FGF20: variants seen among roughly 807,000 people sequenced by gnomAD.
The protein encoded by FGF20 is fibroblast growth factor 20.
FGF20 carries 8 observed loss-of-function variants against 16.7 expected under a neutral mutation model. The observed-to-expected ratio is 0.48, with a 90% CI of 0.28 to 0.87. FGF20 has a LOEUF of 0.87. Ranked by LOEUF, FGF20 falls within the 40% of genes least tolerant of loss-of-function variation. The pLI, the probability that FGF20 is intolerant of heterozygous loss-of-function variation, is 0.10. For synonymous variants in FGF20, 161 were observed against 118.6 expected (o/e 1.36, Z -2.32); for missense variants, 397 against 281.4 (o/e 1.41, Z -2.94).
At chr8:16,995,401 C>G (rs1810019711) in intron 2 of FGF20, among the ~76,000 whole-genome samples, 1 of 152,004 alleles carries the variant, frequency 6.6e-6, no homozygotes, top group Admixed American at 6.6e-5. Flanking sequence ...ACAGAGAAAA[C>G]TAGAAAGACT....
rs886372042 is a variant in FGF20, at chr8:17,002,114, A to G, written c.-82T>C. On this transcript the variant is annotated 5_prime_UTR_variant, in exon 1 of 3. Transcript: ENST00000180166. ...GGATGGAGGTGGATAGAGAAAAATT[A>G]TAGCAAAACGAGCGCAAAAAGTTAA... 1.0e-4 allele frequency: 140 copies of G among 1,397,664 alleles called. No homozygotes were observed. The highest frequency in any genetic ancestry group is 1.3e-4 in the Non-Finnish European group (137 of 1,070,174). 86.6% of individuals were successfully genotyped at this position (1,397,664 alleles called of 1,614,324 possible).
rs1810196551 is a variant in FGF20, at chr8:17,001,890, G to GCGCTC, written c.138_142dup (p.Ala48GlyfsTer76). 1 of 1,435,352 alleles carries GCGCTC rather than the reference G, an allele frequency of 7.0e-7. No individual in the cohort carries two copies. Among genetic ancestry groups the GCGCTC allele is most frequent in the Non-Finnish European group, 9.1e-7 (1 of 1,098,844 alleles). 88.9% of individuals were successfully genotyped at this position (1,435,352 alleles called of 1,614,324 possible). ...CTGCGCAGCCCCCGGCCCGCCGCGCGCGCTCCGCTCCGCCGCGCTCCTGCG... is the reference window on the plus strand; with the variant it reads ...CTGCGCAGCCCCCGGCCCGCCGCGCGCGCTCCGCTCCGCTCCGCCGCGCTCCTGCG... On this transcript the variant is annotated frameshift_variant, in exon 1 of 3. Transcript: ENST00000180166. LOFTEE classifies it high-confidence loss of function.
At chr8:16,996,463 G>T (rs1007907447) in intron 1 of FGF20, among the ~76,000 whole-genome samples, 1 of 152,160 alleles carries the variant, frequency 6.6e-6, no homozygotes, top group African/African-American at 2.4e-5. Context: ...CTCCCTAAAG[G>T]AGATGGGTGA....
chr8:16,996,788 CT>C (rs1356338009), intron 1 of FGF20, among the ~76,000 whole-genome samples: 6 of 152,112 alleles, frequency 3.9e-5, no homozygotes, highest in African/African-American at 1.4e-4. Flanking sequence ...GAAATGGAGG[CT>C]CAGAAAGGCT....
In FGF20 at chr8:16,993,260, T is replaced by C; in HGVS notation, c.448A>G (p.Thr150Ala). The C allele has an allele frequency of 6.2e-7, 1 of 1,614,080 alleles. No individual in the cohort carries two copies. The highest frequency in any genetic ancestry group is 8.5e-7 in the Non-Finnish European group (1 of 1,179,966). Residue 150 changes from threonine to alanine, a missense_variant, in exon 3 of 3, where the codon ACC becomes GCC. By Grantham distance (58) the Thr-to-Ala change is moderately conservative. Coordinates refer to ENST00000180166, the MANE Select transcript of FGF20 (RefSeq NM_019851.3). ...REQFEENWYN[T>A]YSSNIYKHGD... is the part of the protein sequence containing the mutation. Reference sequence around the variant, plus strand: ...TGTTTATATATGTTAGATGAATAGGTGTTATACCAGTTCTCTTCAAACTGC... The same window carrying C: ...TGTTTATATATGTTAGATGAATAGGCGTTATACCAGTTCTCTTCAAACTGC...
At chr8:17,001,322 G>C (rs1810174945) in intron 1 of FGF20, among the ~76,000 whole-genome samples, 1 of 152,152 alleles carries the variant, frequency 6.6e-6, no homozygotes, top group Non-Finnish European at 1.5e-5. Context: ...CGGCATGGGG[G>C]AAAATGAGAA....
intron 1 of FGF20, among the ~76,000 whole-genome samples, chr8:16,996,933 T>C (rs10095457): frequency 6.6e-6 from 1 of 152,186 alleles, no homozygotes. Flanking sequence ...TCAAGACTTT[T>C]TGGATTATAT....
In FGF20 at chr8:17,002,331, T is replaced by C. The variant is rs1197332742; in HGVS notation, c.-299A>G. The C allele has an allele frequency of 2.8e-6, 1 of 360,570 alleles. No homozygotes were observed. The highest frequency in any genetic ancestry group is 4.9e-6 in the Non-Finnish European group (1 of 204,470). The allele number at this position is 360,570 out of a possible 1,614,324, so 22.3% of individuals were successfully genotyped here. A position where few individuals can be genotyped will look rare whatever the true frequency, so the allele number is the denominator to read the frequency against. ...TGGCTGGGGCTCCAATTCCGCAAACTGATCAGATCAGAGTCCTGTGTACAT... is the reference window on the plus strand; with the variant it reads ...TGGCTGGGGCTCCAATTCCGCAAACCGATCAGATCAGAGTCCTGTGTACAT... On this transcript the variant is annotated 5_prime_UTR_variant, in exon 1 of 3. Transcript: ENST00000180166.
rs752215225 is a variant in FGF20, at chr8:17,001,742, C to A, written c.286+5G>T. On this transcript the variant is annotated splice_donor_5th_base_variant and intron_variant, in intron 1 of 2. Transcript: ENST00000180166. The stretch of plus-strand genomic sequence containing the variant: ...TGGGGGTGGGGTCGGGATGCTAGTA[C>A]GTACCGAAGAGGCTGTGGTCCTGCC... 3 of 1,575,550 alleles carry A rather than the reference C, an allele frequency of 1.9e-6. No individual in the cohort carries two copies. Among genetic ancestry groups the A allele is most frequent in the Non-Finnish European group, 2.6e-6 (3 of 1,164,284 alleles).
Position 16,999,147 on chromosome 8 carries a change from A to G in FGF20, c.286+2600T>C, listed in dbSNP as rs558494556. Among the ~76,000 whole-genome samples, 4 of 152,320 alleles carry G rather than the reference A, an allele frequency of 2.6e-5. No individual in the cohort carries two copies. The South Asian group carries it at 8.3e-4, about 32-fold the overall frequency. On this transcript the variant is annotated intron_variant, in intron 1 of 2. Transcript: ENST00000180166. The stretch of plus-strand genomic sequence containing the variant: ...AGGCCGCTAGGATGTACTACAATAC[A>G]TCACAAGGCGGCCATTCACTCCCAG...
chr8:16,996,009 C>G (rs548070321), intron 1 of FGF20, among the ~76,000 whole-genome samples: 1 of 152,172 alleles, frequency 6.6e-6, no homozygotes, highest in African/African-American at 2.4e-5. Context: ...CAGAGAACCT[C>G]TGACCGGCCT....
chr8:16,999,050 T>G (rs1810123420), intron 1 of FGF20, among the ~76,000 whole-genome samples: 1 of 152,204 alleles, frequency 6.6e-6, no homozygotes, highest in African/African-American at 2.4e-5. Context: ...CACATAATGT[T>G]ATATAGCTTG....
intron 1 of FGF20, among the ~76,000 whole-genome samples, chr8:17,000,094 G>C (rs1036817547): frequency 3.9e-5 from 6 of 152,044 alleles, no homozygotes; most frequent in Non-Finnish European, 8.8e-5. Context: ...ATGCACAGTG[G>C]CTCATGCCTG....
At chr8:16,999,750 A>G (rs1810140440) in intron 1 of FGF20, among the ~76,000 whole-genome samples, 1 of 146,496 alleles carries the variant, frequency 6.8e-6, no homozygotes, top group Admixed American at 6.9e-5. Flanking sequence ...TATCTTGGCC[A>G]GGCTGGTCTT....
Position 17,002,087 on chromosome 8 carries a change from TG to T in FGF20, c.-56del. On this transcript the variant is annotated 5_prime_UTR_variant, in exon 1 of 3. Transcript: ENST00000180166. ...CCCCCAGTAAAGAGTGTTGTGGGGG[TG>T]GGATGGAGGTGGATAGAGAAAAATT... 1 of 1,468,486 alleles carries T rather than the reference TG, an allele frequency of 6.8e-7. No individual in the cohort carries two copies. 91.0% of individuals were successfully genotyped at this position (1,468,486 alleles called of 1,614,324 possible). A position where few individuals can be genotyped will look rare whatever the true frequency, so the allele number is the denominator to read the frequency against.
chr8:17,002,086 G>A lies in FGF20; in HGVS notation c.-54C>T. On this transcript the variant is annotated 5_prime_UTR_variant, in exon 1 of 3. Transcript: ENST00000180166. The stretch of plus-strand genomic sequence containing the variant: ...CCCCCCAGTAAAGAGTGTTGTGGGG[G>A]TGGGATGGAGGTGGATAGAGAAAAA... 1.4e-6 allele frequency: 2 copies of A among 1,473,850 alleles called. No homozygotes were observed. The highest frequency in any genetic ancestry group is 1.8e-6 in the Non-Finnish European group (2 of 1,114,580). 91.3% of individuals were successfully genotyped at this position (1,473,850 alleles called of 1,614,324 possible). A position where few individuals can be genotyped will look rare whatever the true frequency, so the allele number is the denominator to read the frequency against.
rs1302812822 is a variant in FGF20, at chr8:16,992,897, T to C, written c.*175A>G. The C allele has an allele frequency of 2.9e-6, 2 of 695,374 alleles. No homozygotes were observed. Among genetic ancestry groups the C allele is most frequent in the Non-Finnish European group, 4.7e-6 (2 of 427,972 alleles). 43.1% of individuals were successfully genotyped at this position (695,374 alleles called of 1,614,324 possible). On this transcript the variant is annotated 3_prime_UTR_variant, in exon 3 of 3. Coordinates refer to ENST00000180166, the MANE Select transcript of FGF20 (RefSeq NM_019851.3). ...CATATAAAGAGTGATCATGATCTAT[T>C]TCTAGTCAAAATTTTTTTTGGTTTT...
intron 1 of FGF20, among the ~76,000 whole-genome samples, chr8:17,000,414 T>G (rs113314801): frequency 5.8e-4 from 89 of 152,254 alleles, no homozygotes; most frequent in African/African-American, 2.1e-3. Flanking sequence ...AAAGTTTTAA[T>G]GAGTCCTACA....
chr8:16,993,434 A>G, intron 2 of FGF20, 117 bp from the exon 3 acceptor site: 1 of 1,095,954 alleles, frequency 9.1e-7, no homozygotes, highest in Non-Finnish European at 1.3e-6. Flanking sequence ...AAAAGGTTAA[A>G]TTGGTTTTGC....
Sources: allele counts gnomAD v4.1 joint callset (sites outside exome capture counted in the v4.1 genomes callset), GRCh38; gene constraint gnomAD v4.1.1; transcripts MANE v1.5; gene names NCBI Gene and HGNC (gene_info 2026-07-23, HGNC 2026-07-21).